The following DVL3 variants were observed in gnomAD, a reference collection of about 807,000 sequenced individuals.
DVL3 encodes the protein segment polarity protein dishevelled homolog DVL-3.
A neutral mutation model predicts 67.4 loss-of-function variants in DVL3; 27 were observed. That is an observed-to-expected ratio of 0.40 (90% CI 0.30 to 0.55). The LOEUF (loss-of-function observed/expected upper bound fraction) is 0.55, where lower values mean the gene tolerates loss of function less well. DVL3 is among the 20% of genes least tolerant of loss of function. DVL3 has a pLI of 0.46. For missense variants in DVL3, 819 were observed against 1,021.5 expected (o/e 0.80, Z 2.70); for synonymous variants, 369 against 396.8 (o/e 0.93, Z 0.83).
At chr3:184,161,371 G>A (rs191507471) in intron 1 of DVL3, among the ~76,000 whole-genome samples, 1 of 152,252 alleles carries the variant, frequency 6.6e-6, no homozygotes, top group African/African-American at 2.4e-5. Context: ...AGGTTGCAGT[G>A]GGCTGAGATT....
chr3:184,168,206 G>A, intron 13 of DVL3, 141 bp downstream of exon 13: 1 of 989,718 alleles, frequency 1.0e-6, no homozygotes, highest in Non-Finnish European at 1.5e-6. Context: ...GAGTTCTATG[G>A]TGGAAGAAGA....
In DVL3 at chr3:184,166,799, G is replaced by A. The variant is rs764306400; in HGVS notation, c.1049-27G>A. On this transcript the variant is annotated intron_variant, in intron 10 of 14. Transcript: ENST00000313143. The surrounding 1 kb of genome is among the most constrained non-coding windows in gnomAD (Gnocchi z 6.7). ...GGCCCAGCAGTGGGTGGGGTGGGTA[G>A]CCCATGACTCCTCATCCTCCCTGCA... is the stretch of plus-strand genomic sequence containing the variant. 1 of 1,613,590 alleles carries A rather than the reference G, an allele frequency of 6.2e-7. No homozygotes were observed.
rs1714833284 is a variant in DVL3 at position 184,171,413 on chromosome 3, G to C, written c.*658G>C. The C allele has an allele frequency of 1.0e-6, 1 of 995,664 alleles. No homozygotes were observed. 61.7% of individuals were successfully genotyped at this position (995,664 alleles called of 1,614,324 possible). On this transcript the variant is annotated 3_prime_UTR_variant, in exon 15 of 15. Transcript: ENST00000313143. ...CTGAGCAGCTGGTGGCTTCCAGGGA[G>C]CATCTCTGCTCTACCCCTGCCCCAT...
In DVL3 at chr3:184,165,186, A is replaced by G. The variant is rs768100823; in HGVS notation, c.673A>G (p.Lys225Glu). The G allele has an allele frequency of 5.6e-6, 9 of 1,600,622 alleles. No individual in the cohort carries two copies. The African/African-American group carries it at 8.0e-5, about 14-fold the overall frequency. Reference sequence around the variant, plus strand: ...ACACAAGCGGCGGCGGCGGAAGCAGAAGGTTTCTCGGATTGAGCGGGTATG... The same window carrying G: ...ACACAAGCGGCGGCGGCGGAAGCAGGAGGTTTCTCGGATTGAGCGGGTATG... ...RRHKRRRRKQ[K>E]VSRIERSSSF... Residue 225 changes from lysine (K) to glutamate (E), a missense_variant, in exon 6 of 15, where the codon AAG becomes GAG. This residue lies in a region of DVL3 where 385 missense variants were observed against 486.8 expected (regional missense o/e 0.79). Coordinates refer to ENST00000313143, the MANE Select transcript of DVL3 (RefSeq NM_004423.4). The surrounding 1 kb of genome is among the most constrained non-coding windows in gnomAD (Gnocchi z 4.1).
At position 184,171,786 on chromosome 3, in the gene DVL3, C is replaced by T. The variant is rs530663811; in HGVS notation, c.*1031C>T. 1.4e-4 allele frequency: 27 copies of T among 196,584 alleles called. No individual in the cohort carries two copies. The South Asian group carries it at 4.3e-3, about 31-fold the overall frequency. 12.2% of individuals were successfully genotyped at this position (196,584 alleles called of 1,614,324 possible). ...TCCTCCTTTCCAGAGAGAATCGGATCGCACCACGTGTGGCAGCCTGCGGCG... is the reference window on the plus strand; with the variant it reads ...TCCTCCTTTCCAGAGAGAATCGGATTGCACCACGTGTGGCAGCCTGCGGCG... On this transcript the variant is annotated 3_prime_UTR_variant, in exon 15 of 15. Transcript: ENST00000313143.
In DVL3 at chr3:184,165,147, C is replaced by G. The variant is rs778740365; in HGVS notation, c.634C>G (p.Arg212Gly). Reference protein sequence around the residue: ...SSSTEQSSASRLMRRHKRRRR... With the variant: ...SSSTEQSSASGLMRRHKRRRR... ...CTCCACAGAACAGAGCAGTGCCTCA[C>G]GCCTGATGAGAAGACACAAGCGGCG... is the stretch of plus-strand genomic sequence containing the variant. The change falls in exon 6 of 15, where the codon CGC (arginine) becomes GGC (glycine). Residue 212 changes from arginine to glycine, a missense_variant. Physicochemically the swap from Arg to Gly is moderately radical, Grantham distance 125. Coordinates refer to ENST00000313143, the MANE Select transcript of DVL3 (RefSeq NM_004423.4). This position sits in a 1 kb window ranked among gnomAD's most constrained non-coding sequence, Gnocchi z 4.1. 6.2e-7 allele frequency: 1 copy of G among 1,611,726 alleles called. No homozygotes were observed. The highest frequency in any genetic ancestry group is 1.3e-5 in the African/African-American group (1 of 74,822).
chr3:184,159,740 G>A (rs1714315938), intron 1 of DVL3, among the ~76,000 whole-genome samples: 2 of 151,814 alleles, frequency 1.3e-5, no homozygotes, highest in South Asian at 2.1e-4. Flanking sequence ...CTGCTCCTAC[G>A]GCTCCAACCA....
chr3:184,169,265 C>T (rs769485275), intron 13 of DVL3, among the ~76,000 whole-genome samples: 2 of 152,200 alleles, frequency 1.3e-5, no homozygotes, highest in Admixed American at 6.5e-5. Flanking sequence ...TTAGTTTAGG[C>T]TGAGCTGAAG....
intron 1 of DVL3, among the ~76,000 whole-genome samples, chr3:184,157,299 G>A (rs1244686483): frequency 2.6e-5 from 4 of 152,186 alleles, no homozygotes; most frequent in African/African-American, 9.7e-5. Context: ...AGGGTTAGAA[G>A]GGATCAAGCT....
chr3:184,156,817 G>C (rs1560115265), intron 1 of DVL3: 3 of 278,596 alleles, frequency 1.1e-5, no homozygotes, highest in South Asian at 1.0e-4. Flanking sequence ...GCCTGGAGGC[G>C]GTGGGGAAGG....
intron 1 of DVL3, among the ~76,000 whole-genome samples, chr3:184,160,143 G>A (rs927880411): frequency 6.7e-6 from 1 of 148,932 alleles, no homozygotes; most frequent in African/African-American, 2.5e-5. Context: ...TAGTAGAGAC[G>A]GGGTTTCACC....
Position 184,164,522 on chromosome 3 carries a change from C to A in DVL3, c.384C>A (p.Asn128Lys), listed in dbSNP as rs1395038571. The stretch of plus-strand genomic sequence containing the variant: ...ATGCTGGTGGGGGCAGCCAGGAGAA[C>A]CTGGACAATGACACAGAGACGGACT... ...HPHAGGGSQE[N>K]LDNDTETDSL... Residue 128 changes from asparagine (N) to lysine (K), a missense_variant, in exon 4 of 15, where the codon AAC (asparagine) becomes AAA (lysine). Around this residue, in one of 3 missense-constraint regions of DVL3, gnomAD observed 385 missense variants for 486.8 expected, o/e 0.79. Coordinates refer to ENST00000313143, the MANE Select transcript of DVL3 (RefSeq NM_004423.4). The surrounding 1 kb of genome is among the most constrained non-coding windows in gnomAD (Gnocchi z 5.3). The A allele has an allele frequency of 6.3e-7, 1 of 1,591,670 alleles. No individual in the cohort carries two copies.
Position 184,171,379 on chromosome 3 carries a change from C to A in DVL3, c.*624C>A. 1 of 1,000,582 alleles carries A rather than the reference C, an allele frequency of 1.0e-6. No homozygotes were observed. The highest frequency in any genetic ancestry group is 4.3e-5 in the South Asian group (1 of 23,352). The allele number at this position is 1,000,582 out of a possible 1,614,324, so 62.0% of individuals were successfully genotyped here. On this transcript the variant is annotated 3_prime_UTR_variant, in exon 15 of 15. Transcript: ENST00000313143. The stretch of plus-strand genomic sequence containing the variant: ...CTAGATCAGAGGCCCAGAGGGCCCC[C>A]TCAGTTGCCTGAGCAGCTGGTGGCT...
chr3:184,167,004 C>T lies in DVL3; in HGVS notation c.1198+29C>T. On this transcript the variant is annotated intron_variant, in intron 11 of 14. Coordinates refer to ENST00000313143, the MANE Select transcript of DVL3 (RefSeq NM_004423.4). The surrounding 1 kb of genome is among the most constrained non-coding windows in gnomAD (Gnocchi z 4.6). ...AGTGTCCCACCCTGTCTCCTGGGCC[C>T]AGCAGACAGGGCCAGGTGGGGGGAC... 2 of 1,611,530 alleles carry T rather than the reference C, an allele frequency of 1.2e-6. No individual in the cohort carries two copies. Among genetic ancestry groups the T allele is most frequent in the Non-Finnish European group, 1.7e-6 (2 of 1,178,366 alleles).
chr3:184,167,683 C>T lies in DVL3; in HGVS notation c.1302C>T (p.Leu434=). 6.2e-7 allele frequency: 1 copy of T among 1,603,104 alleles called. No individual in the cohort carries two copies. The highest frequency in any genetic ancestry group is 8.5e-7 in the Non-Finnish European group (1 of 1,173,736). ...TGGAGGTCCGTGACCGCATGTGGCT[C>T]AAGATTACCATCCCTAATGCTTTCA... ...SGLEVRDRMW[L]KITIPNAFIG... Residue 434 remains leucine (L), a synonymous_variant, in exon 12 of 15, where the codon CTC becomes CTT. Transcript: ENST00000313143. The surrounding 1 kb of genome is among the most constrained non-coding windows in gnomAD (Gnocchi z 4.6).
chr3:184,164,243 A>G lies in DVL3; in HGVS notation c.232-24A>G, dbSNP rs1361996711. On this transcript the variant is annotated intron_variant, in intron 2 of 14. Coordinates refer to ENST00000313143, the MANE Select transcript of DVL3 (RefSeq NM_004423.4). The surrounding 1 kb of genome is among the most constrained non-coding windows in gnomAD (Gnocchi z 5.3). ...CTCCTTGATGCTCCTGTAACATACT[A>G]CTCACTCAGTTTCTCCCTTTCAGCT... 3.1e-6 allele frequency: 5 copies of G among 1,611,396 alleles called. No individual in the cohort carries two copies. The highest frequency in any genetic ancestry group is 1.7e-5 in the Admixed American group (1 of 59,594).
At chr3:184,156,772 C>G (rs952068248) in intron 1 of DVL3, 2 of 284,206 alleles carry the variant, frequency 7.0e-6, no homozygotes, top group African/African-American at 4.4e-5. Context: ...GGGAGGCGCC[C>G]ACACTTGCCT....
chr3:184,166,457 C>T lies in DVL3; in HGVS notation c.915C>T (p.Ile305=), dbSNP rs1372042608. Reference sequence around the variant, plus strand: ...TGGTCCTTTCCCAGGTAAACGAGATCAACTTTGAGAACATGAGTAATGACG... The same window carrying T: ...TGGTCCTTTCCCAGGTAAACGAGATTAACTTTGAGAACATGAGTAATGACG... ...PGDMLLQVNE[I]NFENMSNDDA... The change falls in exon 9 of 15, where the codon ATC becomes ATT. Residue 305 remains isoleucine (I), a synonymous_variant. Coordinates refer to ENST00000313143, the MANE Select transcript of DVL3 (RefSeq NM_004423.4). This position sits in a 1 kb window ranked among gnomAD's most constrained non-coding sequence, Gnocchi z 6.7. 6.2e-7 allele frequency: 1 copy of T among 1,614,022 alleles called. No individual in the cohort carries two copies. Among genetic ancestry groups the T allele is most frequent in the East Asian group, 2.2e-5 (1 of 44,890 alleles).
intron 13 of DVL3, among the ~76,000 whole-genome samples, 176 bp from the exon 14 acceptor site, chr3:184,169,830 G>T (rs938205341): frequency 6.6e-6 from 1 of 152,168 alleles, no homozygotes; most frequent in African/African-American, 2.4e-5. Flanking sequence ...GGGTCTCCCC[G>T]GGGCTGGCTC....
Sources: allele counts gnomAD v4.1 joint callset (sites outside exome capture counted in the v4.1 genomes callset), GRCh38; gene constraint gnomAD v4.1.1; regional missense constraint gnomAD v4.1.1; non-coding constraint Gnocchi (gnomAD v3.1); transcripts MANE v1.5; gene names NCBI Gene and HGNC (gene_info 2026-07-23, HGNC 2026-07-21).